The following FAR2 variants were observed in gnomAD, a reference collection of about 807,000 sequenced individuals.
FAR2 encodes the protein epididymis secretory protein Li 81.
In FAR2, 19 loss-of-function variants were observed where a neutral mutation model predicts 56.0. The ratio of observed to expected loss-of-function variants is 0.34; its 90% CI spans 0.24 to 0.50. FAR2 has a LOEUF of 0.50. FAR2 is among the 20% of genes least tolerant of loss of function. The pLI is 0.98. For synonymous variants in FAR2, 219 were observed against 218.8 expected (o/e 1.00, Z -0.01); for missense variants, 508 against 642.2 (o/e 0.79, Z 2.26).
At chr12:29,199,110 T>G (rs1405563038) in intron 1 of FAR2, among the ~76,000 whole-genome samples, 2 of 151,930 alleles carry the variant, frequency 1.3e-5, no homozygotes, top group African/African-American at 4.8e-5. Flanking sequence ...AAGCCAAAGG[T>G]AATAGGTATG....
chr12:29,216,776 C>T (rs1947626420), intron 1 of FAR2, among the ~76,000 whole-genome samples: 1 of 152,066 alleles, frequency 6.6e-6, no homozygotes, highest in Admixed American at 6.6e-5. Flanking sequence ...CAAAAATATA[C>T]CAAAATATAA....
chr12:29,327,975 G>C (rs1229127352), intron 10 of FAR2, among the ~76,000 whole-genome samples: 2 of 152,062 alleles, frequency 1.3e-5, no homozygotes, highest in Non-Finnish European at 2.9e-5. Context: ...GCAACCTACA[G>C]AATGGGAGAA....
rs958930060 is a variant in FAR2 at position 29,334,386 on chromosome 12, C to A, written c.*592C>A. The A allele has an allele frequency of 6.6e-6, 1 of 152,158 alleles. No homozygotes were observed. The highest frequency in any genetic ancestry group is 1.5e-5 in the Non-Finnish European group (1 of 68,022). The allele number at this position is 152,158 out of a possible 1,614,324, so 9.4% of individuals were successfully genotyped here. On this transcript the variant is annotated 3_prime_UTR_variant, in exon 12 of 12. Transcript: ENST00000536681. ...TTACATTTAACATTTTTCTTAACTA[C>A]ATTCACTTCTTAAAAAGGAACAAGA...
At chr12:29,296,970 G>T in intron 3 of FAR2, 51 bp from the exon 4 acceptor site, 1 of 1,499,622 alleles carries the variant, frequency 6.7e-7, no homozygotes. Context: ...TTATAGCAAG[G>T]CATGATACTG....
At chr12:29,209,007 G>A (rs1002356542) in intron 1 of FAR2, among the ~76,000 whole-genome samples, 3 of 151,868 alleles carry the variant, frequency 2.0e-5, no homozygotes, top group African/African-American at 2.4e-5. Flanking sequence ...AAGGGAGAAC[G>A]AGGCAAGTCA....
At chr12:29,245,487 G>A (rs186747337) in intron 1 of FAR2, among the ~76,000 whole-genome samples, 1 of 152,192 alleles carries the variant, frequency 6.6e-6, no homozygotes, top group African/African-American at 2.4e-5. Flanking sequence ...GGCTTGGGGG[G>A]TCTCCAAATC....
At chr12:29,155,023 A>T (rs1375839458) in intron 1 of FAR2, among the ~76,000 whole-genome samples, 1 of 152,240 alleles carries the variant, frequency 6.6e-6, no homozygotes, top group Non-Finnish European at 1.5e-5. Context: ...CTCTGTTAAT[A>T]GGCATTAAGT....
At chr12:29,313,140 C>A (rs1057259690) in intron 8 of FAR2, among the ~76,000 whole-genome samples, 1 of 152,082 alleles carries the variant, frequency 6.6e-6, no homozygotes, top group Admixed American at 6.6e-5. Context: ...GATCAAAATG[C>A]TTCCTACTAG....
chr12:29,214,222 A>G (rs1426802967), intron 1 of FAR2, among the ~76,000 whole-genome samples: 1 of 152,208 alleles, frequency 6.6e-6, no homozygotes, highest in African/African-American at 2.4e-5. Flanking sequence ...ATGGTATTTG[A>G]GAATACCACT....
At chr12:29,160,482 C>T (rs1041600107) in intron 1 of FAR2, among the ~76,000 whole-genome samples, 1 of 152,110 alleles carries the variant, frequency 6.6e-6, no homozygotes, top group African/African-American at 2.4e-5. Flanking sequence ...GGCTGCGTAT[C>T]AAAAGGCAAG....
At chr12:29,253,768 CA>C (rs1948272160) in intron 1 of FAR2, among the ~76,000 whole-genome samples, 1 of 152,118 alleles carries the variant, frequency 6.6e-6, no homozygotes, top group South Asian at 2.1e-4. Context: ...TTACCTTTTA[CA>C]AACAATATTA....
intron 1 of FAR2, among the ~76,000 whole-genome samples, chr12:29,154,189 A>G (rs1469231603): frequency 2.0e-5 from 3 of 152,170 alleles, no homozygotes; most frequent in Non-Finnish European, 2.9e-5. Context: ...GGGAAGAAAG[A>G]TCTGATCCTC....
chr12:29,190,335 G>T (rs1950091746), intron 1 of FAR2, among the ~76,000 whole-genome samples: 1 of 151,672 alleles, frequency 6.6e-6, no homozygotes, highest in African/African-American at 2.4e-5. Flanking sequence ...AAAAAAAAAG[G>T]ATCAGCACTG....
At chr12:29,238,822 C>A (rs1947981256) in intron 1 of FAR2, among the ~76,000 whole-genome samples, 1 of 152,098 alleles carries the variant, frequency 6.6e-6, no homozygotes, top group Non-Finnish European at 1.5e-5. Flanking sequence ...ACTAAGGAAA[C>A]TGTATTAGTT....
chr12:29,152,822 A>G (rs2136570152), intron 1 of FAR2, among the ~76,000 whole-genome samples: 2 of 152,376 alleles, frequency 1.3e-5, no homozygotes, highest in South Asian at 4.1e-4. Context: ...CCAAGAAGAG[A>G]ATAAAATAAG....
At chr12:29,179,735 C>A (rs968113990) in intron 1 of FAR2, among the ~76,000 whole-genome samples, 1 of 152,094 alleles carries the variant, frequency 6.6e-6, no homozygotes. Context: ...TCTGCCTGGC[C>A]CCATCTGTCT....
At chr12:29,315,861 A>G (rs2136799883) in intron 8 of FAR2, among the ~76,000 whole-genome samples, 1 of 152,298 alleles carries the variant, frequency 6.6e-6, no homozygotes, top group East Asian at 1.9e-4. Flanking sequence ...GTTAAATGTG[A>G]ATGTCTATTA....
Position 29,311,916 on chromosome 12 carries a change from T to G in FAR2, c.921T>G (p.Ser307=), listed in dbSNP as rs1483694766. 2.5e-6 allele frequency: 4 copies of G among 1,611,614 alleles called. No homozygotes were observed. The highest frequency in any genetic ancestry group is 3.4e-6 in the Non-Finnish European group (4 of 1,178,768). Reference sequence around the variant, plus strand: ...CAACATTAGTCTACCACATTACATCTGGTAACATGAATCCCTGCAATTGGC... The same window carrying G: ...CAACATTAGTCTACCACATTACATCGGGTAACATGAATCCCTGCAATTGGC... ...PKSTLVYHIT[S]GNMNPCNWHK... The change falls in exon 8 of 12, where the codon TCT becomes TCG. Residue 307 remains serine (S), a synonymous_variant. Coordinates refer to ENST00000536681, the MANE Select transcript of FAR2 (RefSeq NM_001271783.2).
chr12:29,192,342 G>T (rs1050400946), intron 1 of FAR2, among the ~76,000 whole-genome samples: 1 of 152,134 alleles, frequency 6.6e-6, no homozygotes, highest in Non-Finnish European at 1.5e-5. Context: ...GACGCATGAA[G>T]CCCCTACAAG....
Sources: gnomAD v4.1 joint callset for allele counts (sites outside exome capture counted in the v4.1 genomes callset) on GRCh38, gnomAD v4.1.1 for gene constraint, MANE v1.5 for transcripts, NCBI Gene and HGNC (gene_info 2026-07-23, HGNC 2026-07-21) for gene names.